PTPRN2: variants seen among roughly 807,000 people sequenced by gnomAD.
PTPRN2 encodes the protein protein tyrosine phosphatase receptor type N2, also known as receptor-type tyrosine-protein phosphatase N2.
In PTPRN2, 74 loss-of-function variants were observed where a neutral mutation model predicts 118.8. That is an observed-to-expected ratio of 0.62 (90% CI 0.52 to 0.76). The LOEUF is 0.76. PTPRN2 is among the 30% of genes least tolerant of loss of function. PTPRN2 has a pLI of 0.00. For missense variants in PTPRN2, 1,481 were observed against 1,394.4 expected (o/e 1.06, Z -0.99); for synonymous variants, 641 against 608.0 (o/e 1.05, Z -0.80).
chr7:158,109,010 A>C (rs1815945289), intron 10 of PTPRN2, among the ~76,000 whole-genome samples: 1 of 151,232 alleles, frequency 6.6e-6, no homozygotes, highest in Non-Finnish European at 1.5e-5. Flanking sequence ...AGTGAATGAC[A>C]TCACCACTGT....
intron 5 of PTPRN2, among the ~76,000 whole-genome samples, chr7:158,188,892 C>G (rs183106720): frequency 0.013 from 1,928 of 152,254 alleles, 26 homozygotes; most frequent in South Asian, 0.061. Context: ...GTTAGTGTGA[C>G]GAGGCCACGG....
At chr7:158,494,789 G>A (rs1821707660) in intron 1 of PTPRN2, among the ~76,000 whole-genome samples, 2 of 152,214 alleles carry the variant, frequency 1.3e-5, no homozygotes, top group African/African-American at 2.4e-5. Flanking sequence ...AACCTGAACT[G>A]GGACAGCCCC....
intron 2 of PTPRN2, among the ~76,000 whole-genome samples, chr7:158,416,342 C>CA (rs1372127473): frequency 6.6e-6 from 1 of 152,240 alleles, no homozygotes; most frequent in African/African-American, 2.4e-5. Flanking sequence ...TATGCACCCC[C>CA]AGCCCCCAAC....
At chr7:158,051,942 G>T (rs1488645416) in intron 11 of PTPRN2, among the ~76,000 whole-genome samples, 1 of 152,198 alleles carries the variant, frequency 6.6e-6, no homozygotes, top group East Asian at 1.9e-4. Context: ...AGAGGGAAAA[G>T]GTAGTGTTAC....
chr7:158,477,187 C>T (rs917446900), intron 2 of PTPRN2, among the ~76,000 whole-genome samples: 13 of 152,170 alleles, frequency 8.5e-5, no homozygotes, highest in Admixed American at 6.5e-5. Flanking sequence ...GATGAAGGGG[C>T]GGGGCCCTGC....
intron 11 of PTPRN2, among the ~76,000 whole-genome samples, chr7:157,915,325 G>A (rs532914853): frequency 7.2e-5 from 11 of 152,292 alleles, no homozygotes; most frequent in East Asian, 1.9e-4. Flanking sequence ...ACCTGGGAGC[G>A]TTTGAAGCTG....
chr7:158,386,590 A>T (rs1811403266), intron 2 of PTPRN2, among the ~76,000 whole-genome samples: 1 of 152,202 alleles, frequency 6.6e-6, no homozygotes, highest in African/African-American at 2.4e-5. Context: ...TGGGGACATG[A>T]ACCTGGAGAA....
At chr7:158,339,050 C>CA in intron 2 of PTPRN2, among the ~76,000 whole-genome samples, 1 of 7,646 alleles carries the variant, frequency 1.3e-4, no homozygotes, top group Non-Finnish European at 2.5e-4. Flanking sequence ...CCCACACTCT[C>CA]ACCATAAGAG....
intron 2 of PTPRN2, among the ~76,000 whole-genome samples, chr7:158,385,836 G>A (rs1459033385): frequency 6.6e-6 from 1 of 150,970 alleles, no homozygotes; most frequent in African/African-American, 2.5e-5. Flanking sequence ...CCAGGAAGAG[G>A]GCTCTGCTGT....
intron 11 of PTPRN2, among the ~76,000 whole-genome samples, chr7:157,998,817 CAAA>C (rs1213090372): frequency 1.7e-5 from 1 of 59,158 alleles, no homozygotes; most frequent in Non-Finnish European, 3.8e-5. Flanking sequence ...TACTCCATCT[CAAA>C]AAAAAAAAAA....
chr7:158,484,224 CCT>C (rs1820837304), intron 2 of PTPRN2, among the ~76,000 whole-genome samples: 1 of 152,172 alleles, frequency 6.6e-6, no homozygotes, highest in Admixed American at 6.5e-5. Flanking sequence ...CACCTCAGAG[CCT>C]CTCAGTACCA....
At chr7:158,424,607 T>C (rs1815544645) in intron 2 of PTPRN2, among the ~76,000 whole-genome samples, 1 of 152,228 alleles carries the variant, frequency 6.6e-6, no homozygotes, top group Admixed American at 6.5e-5. Flanking sequence ...TAATGCCCAG[T>C]GGTCAGAAAA....
intron 15 of PTPRN2, chr7:157,614,126 G>A (rs917398): frequency 3.6e-5 from 17 of 470,812 alleles, no homozygotes; most frequent in South Asian, 1.7e-4. Flanking sequence ...AAGGAGGACG[G>A]AGAGGAGGGG....
intron 5 of PTPRN2, among the ~76,000 whole-genome samples, chr7:158,186,387 T>C (rs1022397379): frequency 6.6e-6 from 1 of 152,048 alleles, no homozygotes; most frequent in African/African-American, 2.4e-5. Context: ...GGCTCACTCA[T>C]GTGGTCGGGG....
intron 2 of PTPRN2, among the ~76,000 whole-genome samples, chr7:158,364,256 C>A (rs371595029): frequency 6.7e-6 from 1 of 148,268 alleles, no homozygotes; most frequent in Non-Finnish European, 1.5e-5. Flanking sequence ...GCAAGGTCTG[C>A]AGAGCCCCCA....
chr7:157,851,763 A>G (rs1346454045), intron 12 of PTPRN2, among the ~76,000 whole-genome samples: 1 of 152,242 alleles, frequency 6.6e-6, no homozygotes, highest in Non-Finnish European at 1.5e-5. Flanking sequence ...TGGTCCTTCC[A>G]GCCTTCTCTC....
intron 1 of PTPRN2, among the ~76,000 whole-genome samples, chr7:158,549,357 G>C (rs1377577760): frequency 6.6e-6 from 1 of 152,190 alleles, no homozygotes; most frequent in African/African-American, 2.4e-5. Context: ...CTCCTCTGGC[G>C]AGCTTTGTGT....
chr7:158,278,306 C>T (rs1455090557), intron 3 of PTPRN2, among the ~76,000 whole-genome samples: 1 of 151,616 alleles, frequency 6.6e-6, no homozygotes, highest in Non-Finnish European at 1.5e-5. Flanking sequence ...ATCCCAAGAC[C>T]AGCCTGTGCA....
At chr7:157,828,216 G>A (rs564155403) in intron 12 of PTPRN2, among the ~76,000 whole-genome samples, 17 of 152,344 alleles carry the variant, frequency 1.1e-4, no homozygotes, top group Admixed American at 9.2e-4. Context: ...CCTTCCACGC[G>A]TGTGGTCACC....
Sources: gnomAD v4.1 joint callset for allele counts (sites outside exome capture counted in the v4.1 genomes callset) on GRCh38, gnomAD v4.1.1 for gene constraint, MANE v1.5 for transcripts, NCBI Gene and HGNC (gene_info 2026-07-23, HGNC 2026-07-21) for gene names.